RHEX: variants seen among roughly 807,000 people sequenced by gnomAD.
The protein encoded by RHEX is regulator of hemoglobinization and erythroid cell expansion.
A neutral mutation model predicts 20.1 loss-of-function variants in RHEX; 18 were observed. The observed-to-expected ratio is 0.90, with a 90% CI of 0.62 to 1.33. The LOEUF is 1.33. Among genes scored for constraint, RHEX ranks in the 40% most tolerant of loss-of-function variants. The pLI, the probability that RHEX is intolerant of heterozygous loss-of-function variation, is 0.00. For missense variants in RHEX, 192 were observed against 214.3 expected (o/e 0.90, Z 0.65); for synonymous variants, 87 against 77.1 (o/e 1.13, Z -0.67).
chr1:206,074,968 C>T (rs1343202687), intron 1 of RHEX, among the ~76,000 whole-genome samples: 3 of 152,364 alleles, frequency 2.0e-5, no homozygotes, highest in South Asian at 4.1e-4. Context: ...GGCCCATTCC[C>T]ACAATGCCCC....
intron 1 of RHEX, chr1:206,080,255 A>G (rs1662709184): frequency 6.6e-6 from 1 of 152,228 alleles, no homozygotes; most frequent in Non-Finnish European, 1.5e-5. Flanking sequence ...AAATTCCCCA[A>G]TCCTATTTCT....
intron 1 of RHEX, among the ~76,000 whole-genome samples, chr1:206,096,067 C>G (rs917637499): frequency 2.0e-5 from 3 of 152,146 alleles, no homozygotes; most frequent in African/African-American, 7.2e-5. Context: ...TAGACTCAAA[C>G]AATCCACCTG....
rs1663028770 is a variant in RHEX, at chr1:206,094,550, T to C, written c.-96-3183T>C. On this transcript the variant is annotated intron_variant, in intron 1 of 5. Coordinates refer to ENST00000331555, the MANE Select transcript of RHEX (RefSeq NM_001007544.4). ...TCACTGAGCTCATGCAAGAACTCTG[T>C]GAAGTAGGAAACTATTATTCTTCTC... Among the ~76,000 whole-genome samples the C allele has an allele frequency of 3.3e-5, 5 of 152,348 alleles. No individual in the cohort carries two copies. The South Asian group carries it at 1.0e-3, about 32-fold the overall frequency.
intron 1 of RHEX, chr1:206,056,395 A>T (rs1662195563): frequency 6.6e-6 from 1 of 152,388 alleles, no homozygotes; most frequent in Admixed American, 6.5e-5. Context: ...TTAGACTTGC[A>T]CAGTAAGGAC....
chr1:206,084,372 T>G (rs1662794572), intron 1 of RHEX, among the ~76,000 whole-genome samples: 1 of 152,206 alleles, frequency 6.6e-6, no homozygotes, highest in African/African-American at 2.4e-5. Flanking sequence ...GTTCAAAGAA[T>G]TTTACGCAGA....
intron 1 of RHEX, among the ~76,000 whole-genome samples, chr1:206,079,279 T>G (rs893255112): frequency 6.6e-6 from 1 of 152,188 alleles, no homozygotes; most frequent in Non-Finnish European, 1.5e-5. Context: ...CTATCTAGGT[T>G]GCAGTGAAAT....
rs529598747 is a variant in RHEX, at chr1:206,069,368, A to T, written c.-97+16103A>T. On this transcript the variant is annotated intron_variant, in intron 1 of 5. Coordinates refer to ENST00000331555, the MANE Select transcript of RHEX (RefSeq NM_001007544.4). ...CTACCGCAGGATCTTACTGGGCTTC[A>T]TAGGTAAGCTTGCCTTTGTTCTGGC... 1.2e-3 allele frequency among the ~76,000 whole-genome samples: 185 copies of T among 152,358 alleles called. 1 individual carries two copies. The highest frequency in any genetic ancestry group is 4.4e-3 in the African/African-American group (181 of 41,594).
At chr1:206,056,812 T>TA (rs35223668) in intron 1 of RHEX, among the ~76,000 whole-genome samples, 1 of 151,810 alleles carries the variant, frequency 6.6e-6, no homozygotes, top group East Asian at 1.9e-4. Context: ...AGTTACACAG[T>TA]AAAAAAAAAT....
At chr1:206,088,828 CT>C (rs1340762595) in intron 1 of RHEX, among the ~76,000 whole-genome samples, 9 of 149,388 alleles carry the variant, frequency 6.0e-5, no homozygotes, top group Admixed American at 6.7e-5. Context: ...TTTATGTTCA[CT>C]TTTTTTTTTG....
intron 1 of RHEX, among the ~76,000 whole-genome samples, chr1:206,058,285 G>A (rs1490652922): frequency 7.2e-5 from 11 of 152,210 alleles, no homozygotes; most frequent in African/African-American, 1.9e-4. Flanking sequence ...AAAAAACTTC[G>A]TCGCTTAACC....
At chr1:206,064,040 C>T (rs1406124384) in intron 1 of RHEX, among the ~76,000 whole-genome samples, 25 of 149,698 alleles carry the variant, frequency 1.7e-4, no homozygotes, top group South Asian at 2.1e-4. Flanking sequence ...GCCTTTGCCC[C>T]GCCGCCCCGT....
intron 1 of RHEX, among the ~76,000 whole-genome samples, chr1:206,080,815 C>T (rs116326738): frequency 0.015 from 2,220 of 152,132 alleles, 53 homozygotes; most frequent in African/African-American, 0.051. Context: ...AAAGTGCCTT[C>T]TTTTTGAAAT....
At chr1:206,099,322 CTT>C (rs368943257) in intron 3 of RHEX, among the ~76,000 whole-genome samples, 8 of 144,174 alleles carry the variant, frequency 5.5e-5, no homozygotes, top group Non-Finnish European at 6.1e-5. Flanking sequence ...GCAGCTTCCA[CTT>C]TTTTTTTTTT....
At chr1:206,098,426 C>G in intron 3 of RHEX, 1 of 482,728 alleles carries the variant, frequency 2.1e-6, no homozygotes, top group South Asian at 2.9e-5. Flanking sequence ...CCGTCTACTA[C>G]CCAGACCTTC....
chr1:206,091,300 A>T (rs1200139048), intron 1 of RHEX, among the ~76,000 whole-genome samples: 2 of 152,174 alleles, frequency 1.3e-5, no homozygotes, highest in African/African-American at 4.8e-5. Flanking sequence ...GGAACTTTCC[A>T]TTTCCAGAAA....
intron 1 of RHEX, among the ~76,000 whole-genome samples, chr1:206,091,127 C>T (rs1241950477): frequency 6.6e-6 from 1 of 152,140 alleles, no homozygotes; most frequent in East Asian, 1.9e-4. Context: ...ATTAGGTAGC[C>T]TTTCTGTGTC....
chr1:206,068,804 T>G (rs1048999344), intron 1 of RHEX, among the ~76,000 whole-genome samples: 2 of 152,246 alleles, frequency 1.3e-5, no homozygotes, highest in East Asian at 1.9e-4. Flanking sequence ...AATATCCAGA[T>G]AGTATTCTTC....
intron 3 of RHEX, 105 bp from the exon 4 acceptor site, chr1:206,099,550 C>A: frequency 3.8e-6 from 4 of 1,055,130 alleles, no homozygotes; most frequent in Non-Finnish European, 5.5e-6. Flanking sequence ...AACTTGTGAC[C>A]TCAAGTGATC....
chr1:206,086,569 C>A (rs1294568492), intron 1 of RHEX, among the ~76,000 whole-genome samples: 2 of 152,226 alleles, frequency 1.3e-5, no homozygotes, highest in Admixed American at 6.5e-5. Context: ...CGGGGGATTA[C>A]AACCTGGTTT....
Sources: gnomAD v4.1 joint callset for allele counts (sites outside exome capture counted in the v4.1 genomes callset) on GRCh38, gnomAD v4.1.1 for gene constraint, MANE v1.5 for transcripts, NCBI Gene and HGNC (gene_info 2026-07-23, HGNC 2026-07-21) for gene names.